SLC44A5: variants seen among roughly 807,000 people sequenced by gnomAD.
SLC44A5 encodes solute carrier family 44 member 5, also known as choline transporter-like protein 5.
In SLC44A5, 57 loss-of-function variants were observed where a neutral mutation model predicts 101.8. The observed-to-expected ratio is 0.56, with a 90% CI of 0.45 to 0.70. The LOEUF (loss-of-function observed/expected upper bound fraction) is 0.70. Ranked by LOEUF, SLC44A5 falls within the 30% of genes least tolerant of loss-of-function variation. The probability of loss-of-function intolerance (pLI) is 0.00; values close to 1 mark genes in which losing one functional copy is unlikely to be tolerated. For synonymous variants in SLC44A5, 281 were observed against 290.9 expected (o/e 0.97, Z 0.35); for missense variants, 737 against 853.1 (o/e 0.86, Z 1.70).
At chr1:75,433,887 A>G (rs1461769856) in intron 2 of SLC44A5, among the ~76,000 whole-genome samples, 1 of 152,174 alleles carries the variant, frequency 6.6e-6, no homozygotes, top group Non-Finnish European at 1.5e-5. Flanking sequence ...GAAGTCTTAC[A>G]TGGCAGCAGG....
At chr1:75,411,673 C>G (rs1056042902) in intron 2 of SLC44A5, among the ~76,000 whole-genome samples, 1 of 151,954 alleles carries the variant, frequency 6.6e-6, no homozygotes, top group African/African-American at 2.4e-5. Flanking sequence ...AAAATAAACT[C>G]TAGTATGCCT....
At chr1:75,544,489 TTC>T in intron 1 of SLC44A5, among the ~76,000 whole-genome samples, 1 of 152,200 alleles carries the variant, frequency 6.6e-6, no homozygotes, top group East Asian at 1.9e-4. Flanking sequence ...TGATTTCTCT[TTC>T]TGTGTGCATG....
chr1:75,559,268 A>C (rs1326262572), intron 1 of SLC44A5, among the ~76,000 whole-genome samples: 1 of 152,068 alleles, frequency 6.6e-6, no homozygotes, highest in Non-Finnish European at 1.5e-5. Flanking sequence ...GTAAAGGAAA[A>C]AGAAGCAGAA....
At chr1:75,351,051 A>G (rs79116830) in intron 3 of SLC44A5, among the ~76,000 whole-genome samples, 1 of 150,230 alleles carries the variant, frequency 6.7e-6, no homozygotes, top group Non-Finnish European at 1.5e-5. Flanking sequence ...TGCAAAAGTA[A>G]TTGTGGTTTT....
intron 2 of SLC44A5, among the ~76,000 whole-genome samples, chr1:75,443,416 G>C (rs1320477521): frequency 6.6e-6 from 1 of 151,718 alleles, no homozygotes; most frequent in Non-Finnish European, 1.5e-5. Context: ...TATGAAAGGG[G>C]TGTATAACTA....
the SLC44A5 span, among the ~76,000 whole-genome samples, chr1:75,651,267 C>T: frequency 6.6e-6 from 1 of 152,178 alleles, no homozygotes; most frequent in Non-Finnish European, 1.5e-5. Context: ...GAACTCATAA[C>T]AAGCACATTG....
intron 3 of SLC44A5, among the ~76,000 whole-genome samples, chr1:75,353,511 T>C (rs1217857972): frequency 1.3e-5 from 2 of 152,232 alleles, no homozygotes; most frequent in African/African-American, 4.8e-5. Context: ...TTCTGGATCA[T>C]AGTAGATGCT....
intron 1 of SLC44A5, among the ~76,000 whole-genome samples, chr1:75,568,027 T>C (rs1672878639): frequency 6.6e-6 from 1 of 152,202 alleles, no homozygotes; most frequent in African/African-American, 2.4e-5. Flanking sequence ...CTTTCCCCAC[T>C]AATAATGCTA....
At chr1:75,298,061 A>G (rs1044945075) in intron 5 of SLC44A5, among the ~76,000 whole-genome samples, 4 of 152,238 alleles carry the variant, frequency 2.6e-5, no homozygotes, top group Non-Finnish European at 4.4e-5. Context: ...CTAATCTAAT[A>G]TAGTTGGCAA....
intron 4 of SLC44A5, among the ~76,000 whole-genome samples, chr1:75,304,017 A>G (rs1203833634): frequency 6.6e-6 from 1 of 152,194 alleles, no homozygotes; most frequent in African/African-American, 2.4e-5. Flanking sequence ...TCCCTTAAAC[A>G]AAACAAATTT....
chr1:75,597,987 C>A (rs1204940336), intron 1 of SLC44A5, among the ~76,000 whole-genome samples: 2 of 151,870 alleles, frequency 1.3e-5, no homozygotes, highest in African/African-American at 4.8e-5. Flanking sequence ...AAGAAACTAC[C>A]AACAGAGTAA....
intron 1 of SLC44A5, among the ~76,000 whole-genome samples, chr1:75,579,711 C>T (rs74091760): frequency 0.15 from 23,318 of 151,910 alleles, 2,032 homozygotes; most frequent in Admixed American, 0.23. Flanking sequence ...AAAAAGGTTT[C>T]TCAATAGATA....
At chr1:75,446,675 CAT>C (rs1221460427) in intron 2 of SLC44A5, among the ~76,000 whole-genome samples, 60 of 146,098 alleles carry the variant, frequency 4.1e-4, no homozygotes, top group African/African-American at 1.5e-3. Context: ...CACACACACA[CAT>C]ACACACACAC....
the SLC44A5 span, among the ~76,000 whole-genome samples, chr1:75,664,341 G>C: frequency 1.3e-5 from 2 of 152,148 alleles, no homozygotes; most frequent in South Asian, 4.1e-4. Context: ...GAAATAAAAG[G>C]CATCTAAATA....
At chr1:75,708,609 T>C in the SLC44A5 span, among the ~76,000 whole-genome samples, 1 of 151,962 alleles carries the variant, frequency 6.6e-6, no homozygotes, top group South Asian at 2.1e-4. Context: ...AAAACTAAAT[T>C]CTGATATTTA....
intron 2 of SLC44A5, among the ~76,000 whole-genome samples, chr1:75,479,616 C>T (rs1442388692): frequency 5.1e-4 from 78 of 152,308 alleles, no homozygotes; most frequent in Non-Finnish European, 8.4e-4. Context: ...GAGAATACTA[C>T]AAACACCTCT....
chr1:75,335,415 G>A (rs1480413145), intron 4 of SLC44A5, among the ~76,000 whole-genome samples: 1 of 152,160 alleles, frequency 6.6e-6, no homozygotes, highest in Non-Finnish European at 1.5e-5. Flanking sequence ...CTCCCTGTAG[G>A]CAAACTACAT....
intron 1 of SLC44A5, among the ~76,000 whole-genome samples, chr1:75,553,980 G>A (rs6593577): frequency 0.38 from 57,747 of 151,934 alleles, 11,556 homozygotes; most frequent in Non-Finnish European, 0.46. Flanking sequence ...GAAACTGGGC[G>A]GCACTTTCAT....
chr1:75,616,036 G>A (rs565167816), upstream of SLC44A5: 6 of 308,676 alleles, frequency 1.9e-5, no homozygotes, highest in East Asian at 5.2e-4. Flanking sequence ...CGGGCTGCGC[G>A]CTCAGCTCGG....
Sources: allele counts gnomAD v4.1 joint callset (sites outside exome capture counted in the v4.1 genomes callset), GRCh38; gene constraint gnomAD v4.1.1; transcripts MANE v1.5; gene names NCBI Gene and HGNC (gene_info 2026-07-23, HGNC 2026-07-21).